GPHN: variants seen among roughly 807,000 people sequenced by gnomAD.
GPHN encodes the protein gephyrin.
In GPHN, 17 loss-of-function variants were observed where a neutral mutation model predicts 95.5. The observed-to-expected ratio is 0.18, with a 90% CI of 0.12 to 0.27. The LOEUF (loss-of-function observed/expected upper bound fraction) is 0.27. Ranked by LOEUF, GPHN falls within the 10% of genes least tolerant of loss-of-function variation. The pLI is 1.00. For missense variants in GPHN, 660 were observed against 978.1 expected (o/e 0.67, Z 4.34); for synonymous variants, 320 against 322.5 (o/e 0.99, Z 0.08).
chr14:66,566,815 A>G lies in GPHN; in HGVS notation c.64+58224A>G, dbSNP rs1178546005. 2.6e-5 allele frequency among the ~76,000 whole-genome samples: 4 copies of G among 152,192 alleles called. No individual in the cohort carries two copies. In the South Asian group the frequency reaches 8.3e-4, roughly 32 times the overall value. On this transcript the variant is annotated intron_variant, in intron 1 of 22. Transcript: ENST00000478722. ...TCACTAGGTTTCTCTTGGCAACACA[A>G]GGCTGTTGACATTTATTAAGGAGCT...
intron 2 of GPHN, among the ~76,000 whole-genome samples, chr14:66,758,558 G>T (rs557822263): frequency 4.6e-5 from 7 of 152,168 alleles, no homozygotes; most frequent in African/African-American, 1.7e-4. Flanking sequence ...AGAGAAACTG[G>T]GTTATTAGAA....
intron 11 of GPHN, among the ~76,000 whole-genome samples, chr14:67,087,054 A>C (rs1283311334): frequency 6.6e-6 from 1 of 151,716 alleles, no homozygotes; most frequent in Non-Finnish European, 1.5e-5. Context: ...AAAAAAAAAA[A>C]AACTCTCTTC....
chr14:67,527,661 G>A, the GPHN span, among the ~76,000 whole-genome samples: 2 of 152,182 alleles, frequency 1.3e-5, no homozygotes, highest in South Asian at 2.1e-4. Flanking sequence ...AATGTGTTTT[G>A]TACCGCAGCA....
the GPHN span, among the ~76,000 whole-genome samples, chr14:67,278,614 A>C: frequency 1.3e-5 from 2 of 152,160 alleles, no homozygotes; most frequent in African/African-American, 4.8e-5. Context: ...AGTTATTTCA[A>C]TCCCATGTTA....
At chr14:67,135,583 A>G (rs953638090) in intron 17 of GPHN, among the ~76,000 whole-genome samples, 2 of 152,174 alleles carry the variant, frequency 1.3e-5, no homozygotes, top group Non-Finnish European at 2.9e-5. Context: ...TTCCTTTGTT[A>G]GTAACCCAAT....
the GPHN span, among the ~76,000 whole-genome samples, chr14:67,191,692 C>T: frequency 3.3e-5 from 5 of 152,178 alleles, no homozygotes; most frequent in African/African-American, 1.2e-4. Context: ...AAACAGTATA[C>T]ACAGATAGGG....
chr14:66,810,401 A>G (rs1036648594), intron 3 of GPHN, among the ~76,000 whole-genome samples: 2 of 151,758 alleles, frequency 1.3e-5, no homozygotes, highest in Non-Finnish European at 2.9e-5. Context: ...ATAGAATTTA[A>G]TTAATTACAT....
chr14:67,441,219 G>C, the GPHN span, among the ~76,000 whole-genome samples: 2 of 152,158 alleles, frequency 1.3e-5, no homozygotes, highest in Non-Finnish European at 2.9e-5. Flanking sequence ...TGCTTCTCTG[G>C]CTTAGAGGAT....
the GPHN span, among the ~76,000 whole-genome samples, chr14:67,628,830 A>C: frequency 6.6e-6 from 1 of 152,194 alleles, no homozygotes; most frequent in Non-Finnish European, 1.5e-5. Flanking sequence ...ACTCCTCTAA[A>C]AATTAAAAAT....
intron 17 of GPHN, among the ~76,000 whole-genome samples, chr14:67,125,013 A>T (rs1410496529): frequency 6.6e-6 from 1 of 152,216 alleles, no homozygotes; most frequent in African/African-American, 2.4e-5. Context: ...TGAAAACAGT[A>T]TAAAGAACAA....
intron 5 of GPHN, among the ~76,000 whole-genome samples, chr14:66,912,231 T>C (rs899585027): frequency 2.6e-5 from 4 of 152,122 alleles, no homozygotes; most frequent in Non-Finnish European, 5.9e-5. Context: ...TGTTAGCTTC[T>C]GAGTACTTTG....
At chr14:67,008,359 G>C (rs983406591) in intron 9 of GPHN, among the ~76,000 whole-genome samples, 4 of 151,718 alleles carry the variant, frequency 2.6e-5, no homozygotes, top group African/African-American at 9.7e-5. Flanking sequence ...AGGAGGCTGA[G>C]GCAGGAGAAT....
chr14:67,353,061 T>G, the GPHN span: 1 of 1,554,326 alleles, frequency 6.4e-7, no homozygotes, highest in South Asian at 1.2e-5. Context: ...ATAAACAAAG[T>G]TAAGACATCT....
chr14:67,227,578 A>G, the GPHN span: 1 of 152,124 alleles, frequency 6.6e-6, no homozygotes, highest in Non-Finnish European at 1.5e-5. Context: ...ATTATTACAA[A>G]TAATGTGAAA....
the GPHN span, among the ~76,000 whole-genome samples, chr14:67,510,221 G>T: frequency 6.6e-6 from 1 of 152,170 alleles, no homozygotes; most frequent in Non-Finnish European, 1.5e-5. Flanking sequence ...AATGGTGATT[G>T]TCATTATTAT....
chr14:67,159,300 A>T, intron 18 of GPHN, 115 bp from the exon 19 acceptor site: 1 of 763,636 alleles, frequency 1.3e-6, no homozygotes. Context: ...ACTCCATTAA[A>T]ATAAGAAAGA....
chr14:66,810,266 A>G (rs941203987), intron 3 of GPHN, among the ~76,000 whole-genome samples: 2 of 151,948 alleles, frequency 1.3e-5, no homozygotes, highest in African/African-American at 4.8e-5. Flanking sequence ...AAACTAAATC[A>G]TAGTGACTAT....
the GPHN span, among the ~76,000 whole-genome samples, chr14:67,442,781 G>A: frequency 6.6e-6 from 1 of 152,240 alleles, no homozygotes; most frequent in African/African-American, 2.4e-5. Flanking sequence ...GCTTAATTCT[G>A]CCTGGATACC....
At chr14:66,596,869 G>A (rs1433069313) in intron 1 of GPHN, among the ~76,000 whole-genome samples, 3 of 152,156 alleles carry the variant, frequency 2.0e-5, no homozygotes, top group Non-Finnish European at 2.9e-5. Flanking sequence ...TGCTGGCTCC[G>A]TGGAGTGCAC....
Sources: gnomAD v4.1 joint callset for allele counts (sites outside exome capture counted in the v4.1 genomes callset) on GRCh38, gnomAD v4.1.1 for gene constraint, MANE v1.5 for transcripts, NCBI Gene and HGNC (gene_info 2026-07-23, HGNC 2026-07-21) for gene names.